TSEN15: variants seen among roughly 807,000 people sequenced by gnomAD.
The protein encoded by TSEN15 is tRNA-splicing endonuclease subunit Sen15.
A neutral mutation model predicts 20.5 loss-of-function variants in TSEN15; 10 were observed. The ratio of observed to expected loss-of-function variants is 0.49; its 90% confidence interval spans 0.30 to 0.83. TSEN15 has a LOEUF of 0.83. Ranked by LOEUF, TSEN15 falls within the 40% of genes least tolerant of loss-of-function variation. The pLI is 0.06. For missense variants in TSEN15, 180 were observed against 218.6 expected (o/e 0.82, Z 1.11); for synonymous variants, 72 against 80.1 (o/e 0.90, Z 0.54).
At chr1:184,074,487 G>T (rs958807204), downstream of TSEN15, among the ~76,000 whole-genome samples, 19 of 152,232 alleles carry the variant, frequency 1.2e-4, no homozygotes, top group Non-Finnish European at 2.2e-4. Context: ...TATGCCATTG[G>T]CAGGAGGCCA....
Position 184,073,025 on chromosome 1 carries a change from C to A in TSEN15, c.*178C>A. ...TCCCCAGGTAGAAGACTTTCTCCTT[C>A]TTAAAAAATATAGGGTGATTTCTTT... On this transcript the variant is annotated 3_prime_UTR_variant, in exon 5 of 5. Coordinates refer to ENST00000645668, the MANE Select transcript of TSEN15 (RefSeq NM_052965.4). The A allele has an allele frequency of 1.7e-6, 1 of 597,866 alleles. No individual in the cohort carries two copies. The highest frequency in any genetic ancestry group is 2.9e-6 in the Non-Finnish European group (1 of 346,654). 37.0% of individuals were successfully genotyped at this position (597,866 alleles called of 1,614,324 possible). A position where few individuals can be genotyped will look rare whatever the true frequency, so the allele number is the denominator to read the frequency against.
intron 3 of TSEN15, among the ~76,000 whole-genome samples, chr1:184,084,613 T>G (rs765091204): frequency 1.3e-5 from 2 of 151,772 alleles, no homozygotes; most frequent in Non-Finnish European, 2.9e-5. Context: ...GAACAGAAAT[T>G]TATTAGCTCA....
At chr1:184,059,529 G>A (rs1489144851) in intron 3 of TSEN15, among the ~76,000 whole-genome samples, 1 of 152,158 alleles carries the variant, frequency 6.6e-6, no homozygotes, top group East Asian at 1.9e-4. Context: ...TTGTACTCAT[G>A]TATGAGAGTT....
rs1209992020 is a variant in TSEN15 at position 184,073,046 on chromosome 1, T to C, written c.*199T>C. ...CCTTCTTAAAAAATATAGGGTGATT[T>C]CTTTAAAACTTTGTTATCTAGAGAC... On this transcript the variant is annotated 3_prime_UTR_variant, in exon 5 of 5. Transcript: ENST00000645668. 1.8e-6 allele frequency: 1 copy of C among 564,778 alleles called. No individual in the cohort carries two copies. Among genetic ancestry groups the C allele is most frequent in the Non-Finnish European group, 3.1e-6 (1 of 325,244 alleles). The allele number at this position is 564,778 out of a possible 1,614,324, so 35.0% of individuals were successfully genotyped here. A position where few individuals can be genotyped will look rare whatever the true frequency, so the allele number is the denominator to read the frequency against.
chr1:184,066,344 T>C (rs1650659265), intron 3 of TSEN15, among the ~76,000 whole-genome samples: 2 of 152,130 alleles, frequency 1.3e-5, no homozygotes, highest in African/African-American at 2.4e-5. Flanking sequence ...ATTCATCTAT[T>C]CCTTAACCAA....
chr1:184,066,346 C>T (rs1650659504), intron 3 of TSEN15, among the ~76,000 whole-genome samples: 1 of 151,722 alleles, frequency 6.6e-6, no homozygotes, highest in Non-Finnish European at 1.5e-5. Flanking sequence ...TCATCTATTC[C>T]TTAACCAATA....
intron 3 of TSEN15, among the ~76,000 whole-genome samples, chr1:184,084,173 G>T (rs1651218408): frequency 6.6e-6 from 1 of 151,966 alleles, no homozygotes; most frequent in Non-Finnish European, 1.5e-5. Flanking sequence ...GTTATGTGAG[G>T]ATAAATGAAG....
intron 3 of TSEN15, among the ~76,000 whole-genome samples, chr1:184,056,839 G>A (rs934833485): frequency 2.0e-5 from 3 of 152,120 alleles, no homozygotes; most frequent in African/African-American, 7.2e-5. Context: ...CCATTAGCCA[G>A]TTTATCTGTC....
chr1:184,060,406 A>G (rs1419404452), intron 3 of TSEN15, among the ~76,000 whole-genome samples: 4 of 152,252 alleles, frequency 2.6e-5, no homozygotes, highest in Admixed American at 6.5e-5. Context: ...CACAATCTGC[A>G]TATCTGTACA....
chr1:184,074,271 A>C (rs1387560109), downstream of TSEN15: 1 of 152,184 alleles, frequency 6.6e-6, no homozygotes, highest in South Asian at 2.1e-4. Flanking sequence ...CCACAAATGT[A>C]GCAACTTAAA....
chr1:184,095,628 C>A, intron 3 of TSEN15: 1 of 366,926 alleles, frequency 2.7e-6, no homozygotes, highest in Non-Finnish European at 4.7e-6. Flanking sequence ...ATCTCTCTCC[C>A]CCTTCTCTCT....
rs1039751490 is a variant in TSEN15 at position 184,081,957 on chromosome 1, G to GA, written c.354-13727dup. 3.3e-5 allele frequency among the ~76,000 whole-genome samples: 5 copies of GA among 152,240 alleles called. No homozygotes were observed. In the South Asian group the frequency reaches 8.3e-4, roughly 25 times the overall value. ...GCCTTTTCTTTACTTCCTAAGAATG[G>GA]AAAAAAGAAAGCAGTTGTGCCTATA... On this transcript the variant is annotated intron_variant, in intron 3 of 3. Transcript: ENST00000643231.
At chr1:184,063,588 C>A (rs879160596) in intron 3 of TSEN15, among the ~76,000 whole-genome samples, 2 of 152,144 alleles carry the variant, frequency 1.3e-5, no homozygotes, top group Admixed American at 1.3e-4. Flanking sequence ...CTCTTTTCCT[C>A]ATACATTGAA....
chr1:184,083,622 T>C (rs1256571128), intron 3 of TSEN15, among the ~76,000 whole-genome samples: 1 of 152,134 alleles, frequency 6.6e-6, no homozygotes, highest in Non-Finnish European at 1.5e-5. Flanking sequence ...GAATATTGGG[T>C]GAAAAATTGG....
At chr1:184,096,395 A>C (rs1161868801) in exon 4 of TSEN15, 1 of 152,374 alleles carries the variant, frequency 6.6e-6, no homozygotes, top group African/African-American at 2.4e-5. Context: ...TGCAGTCTGG[A>C]AGCAGGCCAG....
At chr1:184,069,432 A>G (rs1357441369) in intron 3 of TSEN15, among the ~76,000 whole-genome samples, 1 of 152,146 alleles carries the variant, frequency 6.6e-6, no homozygotes, top group Non-Finnish European at 1.5e-5. Flanking sequence ...TGAAACATAC[A>G]ATATTTCCAG....
chr1:184,069,004 T>G (rs1662016048), intron 3 of TSEN15, among the ~76,000 whole-genome samples: 1 of 152,178 alleles, frequency 6.6e-6, no homozygotes, highest in Admixed American at 6.5e-5. Flanking sequence ...CAGAGATTAC[T>G]TAGTATCTGT....
At chr1:184,095,246 T>C (rs1170510015) in intron 3 of TSEN15, 1 of 396,596 alleles carries the variant, frequency 2.5e-6, no homozygotes, top group East Asian at 3.6e-5. Flanking sequence ...CCCATATTTA[T>C]GCAGATGAGT....
At chr1:184,066,394 T>C (rs1572710550) in intron 3 of TSEN15, among the ~76,000 whole-genome samples, 1 of 148,506 alleles carries the variant, frequency 6.7e-6, no homozygotes, top group East Asian at 1.9e-4. Context: ...ACAATAGGTC[T>C]TTTTTTTTTC....
Sources: allele counts gnomAD v4.1 joint callset (sites outside exome capture counted in the v4.1 genomes callset), GRCh38; gene constraint gnomAD v4.1.1; transcripts MANE v1.5; gene names NCBI Gene and HGNC (gene_info 2026-07-23, HGNC 2026-07-21).